TMEM45A: variants seen among roughly 807,000 people sequenced by gnomAD.
The protein encoded by TMEM45A is transmembrane protein 45A.
A neutral mutation model predicts 32.0 loss-of-function variants in TMEM45A; 25 were observed. The ratio of observed to expected loss-of-function variants is 0.78; its 90% confidence interval spans 0.57 to 1.09. The LOEUF (loss-of-function observed/expected upper bound fraction) is 1.09, where lower values mean the gene tolerates loss of function less well. TMEM45A is among the 50% of genes least tolerant of loss of function. TMEM45A has a pLI of 0.00. For synonymous variants in TMEM45A, 122 were observed against 114.8 expected, an observed-to-expected ratio of 1.06 and a Z score of -0.40; for missense variants, 302 against 325.0, an observed-to-expected ratio of 0.93 and a Z score of 0.54.
intron 1 of TMEM45A, among the ~76,000 whole-genome samples, chr3:100,496,294 AT>A (rs1707926104): frequency 6.6e-6 from 1 of 152,204 alleles, no homozygotes; most frequent in African/African-American, 2.4e-5. Context: ...CACTTAATAC[AT>A]GGAGAACGTT....
chr3:100,523,155 C>T lies in TMEM45A; in HGVS notation c.-4+30227C>T, dbSNP rs370619382. Among the ~76,000 whole-genome samples, 57 of 152,360 alleles carry T rather than the reference C, an allele frequency of 3.7e-4. 2 individuals carry two copies. In the East Asian group the frequency reaches 4.4e-3, roughly 12 times the overall value. The stretch of plus-strand genomic sequence containing the variant: ...CCTCCCAGCTTTGCTACATCTTCTG[C>T]ATCGCTTAGAACATCACTTCTTATG... On this transcript the variant is annotated intron_variant, in intron 1 of 5. Transcript: ENST00000323523.
At chr3:100,539,440 T>TATGTATATGTAC (rs1705808818) in intron 1 of TMEM45A, among the ~76,000 whole-genome samples, 1 of 87,266 alleles carries the variant, frequency 1.1e-5, no homozygotes, top group Non-Finnish European at 2.4e-5. Flanking sequence ...AGGATATGTA[T>TATGTATATGTAC]ATGTATATGT....
intron 1 of TMEM45A, among the ~76,000 whole-genome samples, chr3:100,545,735 A>G (rs752938834): frequency 6.6e-6 from 1 of 152,158 alleles, no homozygotes; most frequent in Non-Finnish European, 1.5e-5. Flanking sequence ...TTGGAATCAC[A>G]GTCACTTCTG....
At chr3:100,519,518 T>C (rs1705390789) in intron 1 of TMEM45A, 14 of 1,545,796 alleles carry the variant, frequency 9.1e-6, no homozygotes, top group Non-Finnish European at 1.2e-5. Flanking sequence ...TTCATTCTTA[T>C]CTCTTCTGCC....
chr3:100,573,425 T>C (rs1706612777), intron 5 of TMEM45A: 1 of 152,246 alleles, frequency 6.6e-6, no homozygotes, highest in Non-Finnish European at 1.5e-5. Flanking sequence ...TGTATAAGAA[T>C]GCTTGCGATT....
intron 4 of TMEM45A, among the ~76,000 whole-genome samples, chr3:100,566,677 T>C (rs35219749): frequency 6.6e-6 from 1 of 152,216 alleles, no homozygotes; most frequent in Non-Finnish European, 1.5e-5. Flanking sequence ...ATTTTTATTG[T>C]TATTATTGCC....
intron 4 of TMEM45A, among the ~76,000 whole-genome samples, chr3:100,563,473 A>G (rs1706372684): frequency 6.6e-6 from 1 of 152,192 alleles, no homozygotes; most frequent in Non-Finnish European, 1.5e-5. Context: ...CCCAGATCGC[A>G]GGTCATGTGG....
chr3:100,494,095 T>C (rs1192044564), intron 1 of TMEM45A, among the ~76,000 whole-genome samples: 2 of 152,230 alleles, frequency 1.3e-5, no homozygotes, highest in East Asian at 1.9e-4. Flanking sequence ...ATGTACATGC[T>C]TGCAGATAGT....
At chr3:100,554,787 A>G (rs1362145390) in intron 1 of TMEM45A, among the ~76,000 whole-genome samples, 1 of 152,192 alleles carries the variant, frequency 6.6e-6, no homozygotes. Context: ...TATACTGTGG[A>G]TGTGAAGAAA....
chr3:100,533,400 GATCACT>G (rs1224069122), intron 1 of TMEM45A, among the ~76,000 whole-genome samples: 1 of 152,036 alleles, frequency 6.6e-6, no homozygotes, highest in Non-Finnish European at 1.5e-5. Context: ...GCTAAGCCTT[GATCACT>G]ATCAGATGGC....
In TMEM45A at chr3:100,551,010, CTT is replaced by C. The variant is rs747148114; in HGVS notation, c.-3-4179_-3-4178del. Among the ~76,000 whole-genome samples, 1,058 of 119,588 alleles carry C rather than the reference CTT, an allele frequency of 8.8e-3. 6 individuals carry two copies. Among genetic ancestry groups the C allele is most frequent in the African/African-American group, 0.036 (1,021 of 28,314 alleles). 78.5% of individuals were successfully genotyped at this position (119,588 alleles called of 152,430 possible). A position where few individuals can be genotyped will look rare whatever the true frequency, so the allele number is the denominator to read the frequency against. ...CGTCTTTTTAGGCCTGGGTGAACTG[CTT>C]TTTTTTTTTTTTTTTTTTTGAGACG... is the stretch of plus-strand genomic sequence containing the variant. On this transcript the variant is annotated intron_variant, in intron 1 of 5. Transcript: ENST00000323523.
chr3:100,524,272 A>T (rs1221621746), intron 1 of TMEM45A, among the ~76,000 whole-genome samples: 1 of 152,258 alleles, frequency 6.6e-6, no homozygotes, highest in Non-Finnish European at 1.5e-5. Context: ...GACATCTCCA[A>T]ACCAGTGTCC....
chr3:100,510,277 T>C (rs544611772), intron 1 of TMEM45A, among the ~76,000 whole-genome samples: 26 of 152,336 alleles, frequency 1.7e-4, no homozygotes, highest in African/African-American at 4.1e-4. Context: ...GATCTGAGAA[T>C]GGGCAGACTG....
At chr3:100,527,524 G>A (rs1457290346) in intron 1 of TMEM45A, among the ~76,000 whole-genome samples, 1 of 152,096 alleles carries the variant, frequency 6.6e-6, no homozygotes, top group African/African-American at 2.4e-5. Context: ...TGATGAGGTT[G>A]GGAGAAACAT....
rs1270980476 is a variant in TMEM45A, at chr3:100,558,338, GGA to G, written c.404-58_404-57del. The G allele has an allele frequency of 4.4e-6, 7 of 1,582,908 alleles. No homozygotes were observed. The East Asian group carries it at 6.7e-5, about 15-fold the overall frequency. ...TGTAAAATTCTGTCTACGGAGAGAG[GGA>G]GAGAGAGAAACAGTGGGTGGTCCTT... On this transcript the variant is annotated intron_variant, in intron 3 of 5. Coordinates refer to ENST00000323523, the MANE Select transcript of TMEM45A (RefSeq NM_018004.3).
chr3:100,509,861 G>A (rs545962978), intron 1 of TMEM45A, among the ~76,000 whole-genome samples: 18 of 152,264 alleles, frequency 1.2e-4, no homozygotes, highest in African/African-American at 4.1e-4. Context: ...GGCGACAGAC[G>A]GCACCTGGAA....
intron 1 of TMEM45A, among the ~76,000 whole-genome samples, chr3:100,523,791 T>TCTCCTCCTTCTCCTCCTCCTCCTC: frequency 7.9e-6 from 1 of 127,328 alleles, no homozygotes; most frequent in African/African-American, 3.6e-5. Flanking sequence ...TTCTCCTCCT[T>TCTCCTCCTTCTCCTCCTCCTCCTC]CTTCTCCTTC....
Position 100,549,264 on chromosome 3 carries a change from C to CA in TMEM45A, c.-3-5938dup, listed in dbSNP as rs371298013. 6.0e-4 allele frequency among the ~76,000 whole-genome samples: 91 copies of CA among 151,112 alleles called. 1 individual carries two copies. The highest frequency in any genetic ancestry group is 6.8e-3 in the Middle Eastern group (2 of 294). On this transcript the variant is annotated intron_variant, in intron 1 of 5. Coordinates refer to ENST00000323523, the MANE Select transcript of TMEM45A (RefSeq NM_018004.3). Reference sequence around the variant, plus strand: ...CCTGTCTCAAAAAAAAACAAAAAAACAAAAAAACAAACAAAAAAACCACCA... The same window carrying CA: ...CCTGTCTCAAAAAAAAACAAAAAAACAAAAAAAACAAACAAAAAAACCACCA...
intron 1 of TMEM45A, among the ~76,000 whole-genome samples, chr3:100,550,261 G>C (rs774941399): frequency 6.6e-6 from 1 of 151,388 alleles, no homozygotes. Flanking sequence ...TGACATTGAG[G>C]AAAGTGTGAA....
Sources: allele counts gnomAD v4.1 joint callset (sites outside exome capture counted in the v4.1 genomes callset), GRCh38; gene constraint gnomAD v4.1.1; transcripts MANE v1.5; gene names NCBI Gene and HGNC (gene_info 2026-07-23, HGNC 2026-07-21).